HRH1: variants seen among roughly 807,000 people sequenced by gnomAD.
HRH1 encodes histamine H1 receptor.
In HRH1, 6 loss-of-function variants were observed where a neutral mutation model predicts 10.3. That is an observed-to-expected ratio of 0.58 (90% CI 0.32 to 1.15). The LOEUF (loss-of-function observed/expected upper bound fraction) is 1.15, where lower values mean the gene tolerates loss of function less well. HRH1 is among the 50% of genes most tolerant of loss of function. The pLI, the probability that HRH1 is intolerant of heterozygous loss-of-function variation, is 0.05. For synonymous variants in HRH1, 242 were observed against 236.7 expected (o/e 1.02, Z -0.21); for missense variants, 514 against 615.3 (o/e 0.84, Z 1.74).
intron 1 of HRH1, among the ~76,000 whole-genome samples, chr3:11,248,266 G>T (rs1391057033): frequency 6.6e-6 from 1 of 152,120 alleles, no homozygotes; most frequent in Non-Finnish European, 1.5e-5. Context: ...ACAAAGTGTT[G>T]TTGATTATAA....
Position 11,154,980 on chromosome 3 carries a change from T to G in HRH1, c.-36+426T>G, listed in dbSNP as rs1936751086. 1.3e-5 allele frequency among the ~76,000 whole-genome samples: 2 copies of G among 152,156 alleles called. No individual in the cohort carries two copies. Among genetic ancestry groups the G allele is most frequent in the African/African-American group, 4.8e-5 (2 of 41,454 alleles). On this transcript the variant is annotated intron_variant, in intron 1 of 1. Coordinates refer to ENST00000431010, the MANE Select transcript of HRH1 (RefSeq NM_001098212.2). This position sits in a 1 kb window ranked among gnomAD's most constrained non-coding sequence, Gnocchi z 4.4. ...CACTGTGCCAGGCTTTGGGCATCCA[T>G]TATCTGTTGCAATATTGTTATACTC...
intron 1 of HRH1, among the ~76,000 whole-genome samples, chr3:11,228,911 C>CAAAAAA (rs10710059): frequency 8.7e-6 from 1 of 115,576 alleles, no homozygotes. Flanking sequence ...GAGAGTATGT[C>CAAAAAA]AAAAAAAAAA....
At chr3:11,164,344 C>T (rs532355623) in intron 1 of HRH1, among the ~76,000 whole-genome samples, 4 of 152,202 alleles carry the variant, frequency 2.6e-5, no homozygotes, top group South Asian at 4.1e-4. Context: ...GCGTGAAGAA[C>T]GAAGGGAGGG....
At chr3:11,248,404 C>A (rs1440425594) in intron 1 of HRH1, among the ~76,000 whole-genome samples, 1 of 152,128 alleles carries the variant, frequency 6.6e-6, no homozygotes, top group Admixed American at 6.5e-5. Flanking sequence ...ACTCCGATAG[C>A]ATCTATATAA....
rs1030578293 is a variant in HRH1 at position 11,260,901 on chromosome 3, T to A, written c.*400T>A. 1.1e-5 allele frequency: 2 copies of A among 189,606 alleles called. No homozygotes were observed. Among genetic ancestry groups the A allele is most frequent in the African/African-American group, 4.8e-5 (2 of 41,956 alleles). 11.7% of individuals were successfully genotyped at this position (189,606 alleles called of 1,614,324 possible). ...AGTGATTGACAACTGAAGAGACACG[T>A]GGCTAGGGTTCCACTGGAGAATTGA... On this transcript the variant is annotated 3_prime_UTR_variant, in exon 2 of 2. Coordinates refer to ENST00000431010, the MANE Select transcript of HRH1 (RefSeq NM_001098212.2).
At chr3:11,222,131 A>G (rs571049810) in intron 1 of HRH1, among the ~76,000 whole-genome samples, 16 of 152,110 alleles carry the variant, frequency 1.1e-4, no homozygotes, top group Non-Finnish European at 2.4e-4. Flanking sequence ...CAGATTGTAC[A>G]GGGGAGCATC....
At chr3:11,199,681 C>T (rs528392902) in intron 1 of HRH1, among the ~76,000 whole-genome samples, 9 of 152,310 alleles carry the variant, frequency 5.9e-5, no homozygotes, top group African/African-American at 2.2e-4. Context: ...GGCCCAGAGC[C>T]CAGCACACAT....
At chr3:11,245,547 C>G (rs886079495) in intron 1 of HRH1, among the ~76,000 whole-genome samples, 1 of 152,138 alleles carries the variant, frequency 6.6e-6, no homozygotes, top group African/African-American at 2.4e-5. Context: ...AAGCTTGGCT[C>G]CTTACTGTTT....
At chr3:11,138,604 G>A (rs1936231002) in intron 1 of HRH1, among the ~76,000 whole-genome samples, 2 of 152,066 alleles carry the variant, frequency 1.3e-5, no homozygotes, top group Admixed American at 1.3e-4. Context: ...TTAATCGTGG[G>A]ATTACCATAT....
In HRH1 at chr3:11,179,344, G is replaced by A. The variant is rs367658203; in HGVS notation, c.-36+24790G>A. Among the ~76,000 whole-genome samples, 4 of 151,730 alleles carry A rather than the reference G, an allele frequency of 2.6e-5. No individual in the cohort carries two copies. In the South Asian group the frequency reaches 6.3e-4, roughly 24 times the overall value. ...TAAAAAAGAAAGTCAGCCAGGGCCG[G>A]GCGCGGTGGCTCACGCCTGTAATGC... On this transcript the variant is annotated intron_variant, in intron 1 of 1. Coordinates refer to ENST00000431010, the MANE Select transcript of HRH1 (RefSeq NM_001098212.2).
In HRH1 at chr3:11,224,988, A is replaced by G. The variant is rs867143958; in HGVS notation, c.-35-34015A>G. Among the ~76,000 whole-genome samples the G allele has an allele frequency of 2.6e-4, 40 of 152,210 alleles. No individual in the cohort carries two copies. In the Middle Eastern group the frequency reaches 0.01, roughly 39 times the overall value. On this transcript the variant is annotated intron_variant, in intron 1 of 1. Coordinates refer to ENST00000431010, the MANE Select transcript of HRH1 (RefSeq NM_001098212.2). ...TCAAAGGCTCTACCCAGGCAGGGAGAAGAGAGGGGAAAGTAGGCAACGTCA... is the reference window on the plus strand; with the variant it reads ...TCAAAGGCTCTACCCAGGCAGGGAGGAGAGAGGGGAAAGTAGGCAACGTCA...
At chr3:11,221,389 C>T (rs1427687781) in intron 1 of HRH1, among the ~76,000 whole-genome samples, 2 of 151,590 alleles carry the variant, frequency 1.3e-5, no homozygotes, top group East Asian at 3.9e-4. Flanking sequence ...CCTGTCTCTA[C>T]TAAAATACAA....
In HRH1 at chr3:11,262,515, A is replaced by G. The variant is rs143010496; in HGVS notation, c.*2014A>G. 1 of 167,234 alleles carries G rather than the reference A, an allele frequency of 6.0e-6. No homozygotes were observed. Among genetic ancestry groups the G allele is most frequent in the Non-Finnish European group, 1.5e-5 (1 of 68,116 alleles). 10.4% of individuals were successfully genotyped at this position (167,234 alleles called of 1,614,324 possible). On this transcript the variant is annotated 3_prime_UTR_variant, in exon 2 of 2. Coordinates refer to ENST00000431010, the MANE Select transcript of HRH1 (RefSeq NM_001098212.2). ...TTCTTGTTCAAAACGGGGGGAGTTT[A>G]GGAGACTTTAATCCCGGTTTCAGAA...
At chr3:11,172,931 T>C (rs1937181747) in intron 1 of HRH1, among the ~76,000 whole-genome samples, 1 of 152,106 alleles carries the variant, frequency 6.6e-6, no homozygotes, top group Admixed American at 6.5e-5. Context: ...CTTCCTGATC[T>C]TGTGATCCAC....
intron 1 of HRH1, among the ~76,000 whole-genome samples, chr3:11,256,618 G>A (rs1278322983): frequency 1.3e-5 from 2 of 151,902 alleles, no homozygotes; most frequent in Non-Finnish European, 2.9e-5. Flanking sequence ...GGCTGATATG[G>A]TGAAACCCCA....
intron 1 of HRH1, among the ~76,000 whole-genome samples, chr3:11,250,250 G>A (rs573020757): frequency 8.6e-5 from 12 of 139,008 alleles, no homozygotes; most frequent in South Asian, 4.6e-4. Flanking sequence ...TAGTGGAGAC[G>A]GGGTTTCACC....
At chr3:11,151,164 C>T (rs114705488), upstream of HRH1, among the ~76,000 whole-genome samples, 104 of 152,280 alleles carry the variant, frequency 6.8e-4, 1 homozygote, top group African/African-American at 2.5e-3. Flanking sequence ...CCAGGCCAAG[C>T]CAATTGGAGT....
Position 11,206,266 on chromosome 3 carries a change from C to T in HRH1, c.-36+51712C>T, listed in dbSNP as rs571241282. Reference sequence around the variant, plus strand: ...AGGAGTAGCCGGGACTACAGGCACACGCCAACACGCCTGGCTAATTTTTAT... The same window carrying T: ...AGGAGTAGCCGGGACTACAGGCACATGCCAACACGCCTGGCTAATTTTTAT... On this transcript the variant is annotated intron_variant, in intron 1 of 1. Coordinates refer to ENST00000431010, the MANE Select transcript of HRH1 (RefSeq NM_001098212.2). Among the ~76,000 whole-genome samples, 38 of 152,336 alleles carry T rather than the reference C, an allele frequency of 2.5e-4. No individual in the cohort carries two copies. In the East Asian group the frequency reaches 2.7e-3, roughly 11 times the overall value.
intron 1 of HRH1, among the ~76,000 whole-genome samples, chr3:11,170,616 T>G (rs1937133942): frequency 6.6e-6 from 1 of 152,004 alleles, no homozygotes; most frequent in African/African-American, 2.4e-5. Context: ...ATGCTCGGAG[T>G]CACACAGCCG....
Sources: allele counts gnomAD v4.1 joint callset (sites outside exome capture counted in the v4.1 genomes callset), GRCh38; gene constraint gnomAD v4.1.1; non-coding constraint Gnocchi (gnomAD v3.1); transcripts MANE v1.5; gene names NCBI Gene and HGNC (gene_info 2026-07-23, HGNC 2026-07-21).